CRAT: variants seen among roughly 807,000 people sequenced by gnomAD.
The protein encoded by CRAT is carnitine acetylase.
In CRAT, 66 loss-of-function variants were observed where a neutral mutation model predicts 73.7. That is an observed-to-expected ratio of 0.90 (90% CI 0.73 to 1.10). CRAT has a LOEUF of 1.10. Ranked by LOEUF, CRAT falls within the 50% of genes least tolerant of loss-of-function variation. CRAT has a pLI of 0.00. For synonymous variants in CRAT, 321 were observed against 343.2 expected (o/e 0.94, Z 0.71); for missense variants, 745 against 846.9 (o/e 0.88, Z 1.49).
At chr9:129,099,796 TG>T in intron 8 of CRAT, 69 bp downstream of exon 8, 1 of 1,195,632 alleles carries the variant, frequency 8.4e-7, no homozygotes, top group Non-Finnish European at 1.2e-6. Context: ...CTCTATAAGC[TG>T]GTCTATCACC....
intron 13 of CRAT, 149 bp downstream of exon 13, chr9:129,095,849 G>T: frequency 8.5e-7 from 1 of 1,179,778 alleles, no homozygotes; most frequent in Non-Finnish European, 1.2e-6. Flanking sequence ...TTCTCAGCCT[G>T]CCTGGGCTGC....
At chr9:129,108,648 A>T in intron 1 of CRAT, 1 of 1,207,978 alleles carries the variant, frequency 8.3e-7, no homozygotes, top group Non-Finnish European at 1.1e-6. Context: ...ATGGAGGGTG[A>T]GAGGCGGCAG....
intron 1 of CRAT, chr9:129,108,463 G>A (rs746629239): frequency 8.2e-5 from 96 of 1,167,242 alleles, no homozygotes; most frequent in Non-Finnish European, 9.5e-5. Flanking sequence ...AGGTCCCCAC[G>A]TCCTTTTCTC....
At chr9:129,102,165 G>A (rs1588451811) in intron 5 of CRAT, 108 bp from the exon 6 acceptor site, 11 of 1,338,946 alleles carry the variant, frequency 8.2e-6, no homozygotes, top group Non-Finnish European at 1.1e-5. Flanking sequence ...TGGAGGGGAT[G>A]GAGTCAGGCC....
In CRAT at chr9:129,095,563, T is replaced by C; in HGVS notation, c.1715A>G (p.Asp572Gly). ...GGGGTTATAGCAGACACCGTAGCCG[T>C]CGGGGACCACGGGCCCGAAGAACAT... ...CVMFFGPVVP[D>G]GYGVCYNPME... Residue 572 changes from aspartate (D) to glycine (G), a missense_variant, in exon 14 of 14, where the codon GAC becomes GGC. Asp to Gly is a moderately conservative substitution (Grantham distance 94). Transcript: ENST00000318080. The C allele has an allele frequency of 6.2e-7, 1 of 1,613,326 alleles. No homozygotes were observed. The highest frequency in any genetic ancestry group is 8.5e-7 in the Non-Finnish European group (1 of 1,179,978).
intron 13 of CRAT, 149 bp from the exon 14 acceptor site, chr9:129,095,761 C>T: frequency 2.1e-6 from 2 of 958,338 alleles, no homozygotes; most frequent in Admixed American, 2.4e-5. Context: ...CCACTACAGG[C>T]TGGCACGAAT....
intron 6 of CRAT, 21 bp from the exon 7 acceptor site, chr9:129,100,710 G>A (rs749188807): frequency 6.2e-7 from 1 of 1,606,738 alleles, no homozygotes; most frequent in Non-Finnish European, 8.5e-7. Flanking sequence ...CATGGGGCGG[G>A]GAGACGCAAA....
chr9:129,095,906 G>T lies in CRAT; in HGVS notation c.1665+92C>A, dbSNP rs1011105534. 45 of 1,537,958 alleles carry T rather than the reference G, an allele frequency of 2.9e-5. No homozygotes were observed. In the African/African-American group the frequency reaches 5.7e-4, roughly 20 times the overall value. ...TCCTCCTCTGGAACTCAGCTGTGTT[G>T]GCAATGGGTCAGTGGGGCCTGTGTA... is the stretch of plus-strand genomic sequence containing the variant. On this transcript the variant is annotated intron_variant, in intron 13 of 13. Coordinates refer to ENST00000318080, the MANE Select transcript of CRAT (RefSeq NM_000755.5).
rs780022019 is a variant in CRAT at position 129,098,516 on chromosome 9, G to A, written c.1205+15C>T. 6.2e-6 allele frequency: 10 copies of A among 1,603,892 alleles called. No homozygotes were observed. Among genetic ancestry groups the A allele is most frequent in the Non-Finnish European group, 7.7e-6 (9 of 1,175,846 alleles). The stretch of plus-strand genomic sequence containing the variant: ...TCACCCATCCAGCACAGGGATGGCG[G>A]GGGCAGGCACTTACATGCTGAGGTT... On this transcript the variant is annotated intron_variant, in intron 9 of 13. Transcript: ENST00000318080.
At chr9:129,095,713 G>A (rs1847242247) in intron 13 of CRAT, 101 bp from the exon 14 acceptor site, 4 of 1,253,076 alleles carry the variant, frequency 3.2e-6, no homozygotes, top group Non-Finnish European at 4.5e-6. Flanking sequence ...CCCCTTGTGG[G>A]CAGGGATCAT....
Position 129,103,045 on chromosome 9 carries a change from C to T in CRAT, c.432G>A (p.Glu144=), listed in dbSNP as rs1847787705. Reference sequence around the variant, plus strand: ...TCATGACCTTGAAATCCAACACACCCTCAATGAGTTTGGCAGCAAATCTGG... The same window carrying T: ...TCATGACCTTGAAATCCAACACACCTTCAATGAGTTTGGCAGCAAATCTGG... ...GQLRFAAKLI[E]GVLDFKVMID... is the part of the protein sequence containing the mutation. Residue 144 remains glutamate, a synonymous_variant, in exon 4 of 14, where the codon GAG becomes GAA. Coordinates refer to ENST00000318080, the MANE Select transcript of CRAT (RefSeq NM_000755.5). The surrounding 1 kb of genome is among the most constrained non-coding windows in gnomAD (Gnocchi z 4.6). 1.9e-6 allele frequency: 3 copies of T among 1,613,986 alleles called. No homozygotes were observed. The highest frequency in any genetic ancestry group is 2.2e-5 in the South Asian group (2 of 91,088).
chr9:129,103,039 C>T lies in CRAT; in HGVS notation c.438G>A (p.Val146=), dbSNP rs1217504567. The change falls in exon 4 of 14, where the codon GTG becomes GTA. Residue 146 remains valine (V), a synonymous_variant. Coordinates refer to ENST00000318080, the MANE Select transcript of CRAT (RefSeq NM_000755.5). This position sits in a 1 kb window ranked among gnomAD's most constrained non-coding sequence, Gnocchi z 4.6. Reference sequence around the variant, plus strand: ...TGTCAATCATGACCTTGAAATCCAACACACCCTCAATGAGTTTGGCAGCAA... The same window carrying T: ...TGTCAATCATGACCTTGAAATCCAATACACCCTCAATGAGTTTGGCAGCAA... ...LRFAAKLIEG[V]LDFKVMIDNE... The T allele has an allele frequency of 6.2e-7, 1 of 1,614,134 alleles. No homozygotes were observed. Among genetic ancestry groups the T allele is most frequent in the South Asian group, 1.1e-5 (1 of 91,078 alleles).
rs201613388 is a variant in CRAT, at chr9:129,098,188, G to A, written c.1329-40C>T. ...GGCTAAGCACGCCCCTTGGAGGCGG[G>A]CACCCCCTCCCCTGCCCCCAGGTCT... On this transcript the variant is annotated intron_variant, in intron 10 of 13. Transcript: ENST00000318080. The A allele has an allele frequency of 3.1e-6, 5 of 1,612,538 alleles. No individual in the cohort carries two copies. The Admixed American group carries it at 6.7e-5, about 21-fold the overall frequency.
chr9:129,098,185 C>A (rs374018635), intron 10 of CRAT, 37 bp from the exon 11 acceptor site: 1 of 1,612,384 alleles, frequency 6.2e-7, no homozygotes, highest in African/African-American at 1.3e-5. Context: ...CCCTTGGAGG[C>A]GGGCACCCCC....
intron 7 of CRAT, 77 bp downstream of exon 7, chr9:129,100,434 G>T: frequency 1.3e-6 from 2 of 1,488,916 alleles, no homozygotes; most frequent in Non-Finnish European, 1.8e-6. Flanking sequence ...GCAGGGCCGG[G>T]GACGGGCAGG....
Position 129,095,095 on chromosome 9 carries a change from G to A in CRAT, c.*302C>T, listed in dbSNP as rs1847191495. On this transcript the variant is annotated 3_prime_UTR_variant, in exon 14 of 14. Transcript: ENST00000318080. ...CTCTTGCCAGTCTCCTGCTCTGGAG[G>A]GCTGGTTCCCTTCCCCAGAGGAGGC... is the stretch of plus-strand genomic sequence containing the variant. The A allele has an allele frequency of 2.2e-6, 1 of 462,112 alleles. No individual in the cohort carries two copies. The highest frequency in any genetic ancestry group is 2.0e-5 in the African/African-American group (1 of 50,996). The allele number at this position is 462,112 out of a possible 1,614,324, so 28.6% of individuals were successfully genotyped here. A position where few individuals can be genotyped will look rare whatever the true frequency, so the allele number is the denominator to read the frequency against.
chr9:129,109,412 C>T, intron 1 of CRAT: 1 of 591,736 alleles, frequency 1.7e-6, no homozygotes, highest in Non-Finnish European at 2.6e-6. Flanking sequence ...TCTACGAACA[C>T]TCATTTTTTC....
At chr9:129,102,596 C>A (rs551098202) in intron 4 of CRAT, 31 bp from the exon 5 acceptor site, 2 of 1,611,152 alleles carry the variant, frequency 1.2e-6, no homozygotes, top group Non-Finnish European at 1.7e-6. Flanking sequence ...GAGGCCACCA[C>A]TGGGCAAGTG....
chr9:129,102,630 C>T (rs1847760841), intron 4 of CRAT, 65 bp from the exon 5 acceptor site: 1 of 1,558,698 alleles, frequency 6.4e-7, no homozygotes, highest in Non-Finnish European at 8.8e-7. Flanking sequence ...GCAGGGTAGA[C>T]AGGGACCTGC....
Sources: gnomAD v4.1 joint callset for allele counts on GRCh38, gnomAD v4.1.1 for gene constraint, Gnocchi (gnomAD v3.1) non-coding constraint, MANE v1.5 for transcripts, NCBI Gene and HGNC (gene_info 2026-07-23, HGNC 2026-07-21) for gene names.